Variants in PVT1 observed in about 807,000 individuals in gnomAD.
The protein encoded by PVT1 is CXCR4/PVT1 fusion.
chr8:127,926,810 G>C (rs919196991), intron 3 of PVT1, among the ~76,000 whole-genome samples: 2 of 152,160 alleles, frequency 1.3e-5, no homozygotes, highest in African/African-American at 4.8e-5. Context: ...TGGCCTGCTG[G>C]CTCTCTTTTC....
At chr8:127,800,468 G>A (rs1243586277) in intron 2 of PVT1, among the ~76,000 whole-genome samples, 1 of 152,058 alleles carries the variant, frequency 6.6e-6, no homozygotes, top group African/African-American at 2.4e-5. Context: ...AAGTCTCCCC[G>A]GCCCCACTGT....
intron 3 of PVT1, among the ~76,000 whole-genome samples, chr8:127,985,225 G>A (rs764900106): frequency 2.0e-5 from 3 of 151,480 alleles, no homozygotes; most frequent in Non-Finnish European, 4.4e-5. Flanking sequence ...GCAGAGACAG[G>A]GTTTCACCAT....
chr8:127,900,458 A>G (rs1448651452), intron 3 of PVT1, among the ~76,000 whole-genome samples: 1 of 152,204 alleles, frequency 6.6e-6, no homozygotes, highest in African/African-American at 2.4e-5. Flanking sequence ...AACTTGGGGT[A>G]TAACAGGTCA....
chr8:127,970,071 A>C (rs1816745648), intron 3 of PVT1, among the ~76,000 whole-genome samples: 2 of 152,158 alleles, frequency 1.3e-5, no homozygotes, highest in Admixed American at 6.5e-5. Flanking sequence ...GCCTGGAGCA[A>C]GTATGCCCAA....
At chr8:128,081,457 A>G (rs899340525) in intron 5 of PVT1, among the ~76,000 whole-genome samples, 1 of 152,240 alleles carries the variant, frequency 6.6e-6, no homozygotes, top group African/African-American at 2.4e-5. Context: ...GCTCATTAGG[A>G]AACTGCCATA....
chr8:127,804,933 T>A (rs1345214813), intron 2 of PVT1, among the ~76,000 whole-genome samples: 1 of 148,518 alleles, frequency 6.7e-6, no homozygotes, highest in Non-Finnish European at 1.5e-5. Flanking sequence ...ATGTCTTTTT[T>A]TTTTTTTTTT....
intron 5 of PVT1, among the ~76,000 whole-genome samples, chr8:128,077,183 C>T (rs145875707): frequency 3.9e-5 from 6 of 152,302 alleles, no homozygotes; most frequent in East Asian, 3.9e-4. Flanking sequence ...TGTGAAGCCA[C>T]GTGGGAGGCA....
intron 2 of PVT1, among the ~76,000 whole-genome samples, chr8:127,878,957 A>G (rs945768372): frequency 5.3e-5 from 8 of 152,198 alleles, no homozygotes; most frequent in Non-Finnish European, 1.5e-5. Flanking sequence ...TAGACACATT[A>G]TCTACTCTGA....
chr8:127,834,677 C>A (rs1055464755), intron 2 of PVT1, among the ~76,000 whole-genome samples: 58 of 152,118 alleles, frequency 3.8e-4, no homozygotes, highest in African/African-American at 1.4e-3. Context: ...TCCATCTGAC[C>A]AATGGCTAAT....
chr8:127,929,121 G>A (rs1361605277), intron 3 of PVT1, among the ~76,000 whole-genome samples: 1 of 152,020 alleles, frequency 6.6e-6, no homozygotes, highest in East Asian at 1.9e-4. Flanking sequence ...TTTAGCGGGT[G>A]GGAAAGGGAG....
At chr8:127,874,350 C>T (rs771525433) in intron 2 of PVT1, among the ~76,000 whole-genome samples, 1 of 152,076 alleles carries the variant, frequency 6.6e-6, no homozygotes, top group Non-Finnish European at 1.5e-5. Context: ...TAGAGGTTCA[C>T]CAAGGGTGGG....
At chr8:128,095,054 T>A (rs1258261521) in intron 5 of PVT1, among the ~76,000 whole-genome samples, 2 of 152,194 alleles carry the variant, frequency 1.3e-5, no homozygotes, top group Non-Finnish European at 2.9e-5. Context: ...GCTTTGGGCG[T>A]TTTAAAACTT....
At chr8:127,932,792 A>G (rs1023330377) in intron 3 of PVT1, 9 of 299,710 alleles carry the variant, frequency 3.0e-5, no homozygotes, top group African/African-American at 1.7e-4. Context: ...CTGACTGTAC[A>G]TACATACACA....
chr8:127,919,168 T>C (rs756264794), intron 3 of PVT1, among the ~76,000 whole-genome samples: 1 of 152,198 alleles, frequency 6.6e-6, no homozygotes, highest in Non-Finnish European at 1.5e-5. Flanking sequence ...GGTTTACTTT[T>C]GTTGGCTTGT....
At position 128,028,857 on chromosome 8, in the gene PVT1, T is replaced by G. The variant is rs148172371; in HGVS notation, n.912+39566T>G. Reference sequence around the variant, plus strand: ...ATTTTTAAATGTTATTTTTTATTATTTTGGGGACAGGGTCTTGCTCTGTCA... The same window carrying G: ...ATTTTTAAATGTTATTTTTTATTATGTTGGGGACAGGGTCTTGCTCTGTCA... On this transcript the variant is annotated intron_variant and non_coding_transcript_variant, in intron 4 of 10. Transcript: ENST00000651587. Among the ~76,000 whole-genome samples the G allele has an allele frequency of 3.2e-3, 482 of 152,198 alleles. 3 individuals are homozygous for G. The highest frequency in any genetic ancestry group is 0.011 in the African/African-American group (467 of 41,488).
intron 3 of PVT1, among the ~76,000 whole-genome samples, chr8:127,904,967 C>T (rs1177536731): frequency 6.6e-6 from 1 of 152,222 alleles, no homozygotes; most frequent in Admixed American, 6.5e-5. Flanking sequence ...GACTAAGGTT[C>T]AGGCTTCGTA....
chr8:127,839,905 C>T (rs1814953711), intron 2 of PVT1, among the ~76,000 whole-genome samples: 1 of 152,194 alleles, frequency 6.6e-6, no homozygotes, highest in Admixed American at 6.5e-5. Context: ...GTGAACTCTC[C>T]CTTCTTCTGC....
intron 3 of PVT1, among the ~76,000 whole-genome samples, chr8:127,982,197 T>A (rs1415188972): frequency 2.0e-5 from 3 of 152,100 alleles, no homozygotes; most frequent in African/African-American, 7.2e-5. Flanking sequence ...CCTATTGGAG[T>A]TGGATAACGA....
intron 2 of PVT1, among the ~76,000 whole-genome samples, chr8:127,862,926 T>G (rs1376934848): frequency 6.6e-6 from 1 of 152,150 alleles, no homozygotes; most frequent in Non-Finnish European, 1.5e-5. Flanking sequence ...TGCCCCACAG[T>G]AAGTCCCCTT....
Sources: allele counts gnomAD v4.1 joint callset (sites outside exome capture counted in the v4.1 genomes callset), GRCh38; gene constraint gnomAD v4.1.1; transcripts MANE v1.5; gene names NCBI Gene and HGNC (gene_info 2026-07-23, HGNC 2026-07-21).